DMGDH: variants seen among roughly 807,000 people sequenced by gnomAD.
DMGDH encodes the protein dimethylglycine dehydrogenase, mitochondrial.
Under a neutral mutation model 95.2 loss-of-function variants are expected in DMGDH, and 76 were observed. The observed-to-expected ratio is 0.80, with a 90% CI of 0.66 to 0.97. DMGDH has a LOEUF of 0.97. Among genes scored for constraint, DMGDH ranks in the 50% least tolerant of loss-of-function variants. DMGDH has a pLI of 0.00. For synonymous variants in DMGDH, 345 were observed against 377.6 expected (o/e 0.91, Z 1.00); for missense variants, 987 against 1,055.0 (o/e 0.94, Z 0.89).
intron 8 of DMGDH, 59 bp downstream of exon 8, chr5:79,033,180 G>C: frequency 6.2e-7 from 1 of 1,601,792 alleles, no homozygotes; most frequent in Non-Finnish European, 8.5e-7. Flanking sequence ...TCTAAAGTCA[G>C]AGATGCTACA....
intron 11 of DMGDH, among the ~76,000 whole-genome samples, chr5:79,029,046 A>C (rs1277077846): frequency 1.3e-5 from 2 of 152,346 alleles, no homozygotes; most frequent in East Asian, 3.9e-4. Flanking sequence ...GCTAAAGGTT[A>C]ATAATGTGCC....
chr5:79,024,202 T>C lies in DMGDH; in HGVS notation c.2250+69A>G, dbSNP rs968759271. ...CCATACTTGGTTAAATTTTAAAGAA[T>C]GGCTCTGTCACAAAATAGCATCATA... On this transcript the variant is annotated intron_variant, in intron 14 of 15. Coordinates refer to ENST00000255189, the MANE Select transcript of DMGDH (RefSeq NM_013391.3). 7.8e-6 allele frequency: 11 copies of C among 1,405,458 alleles called. No homozygotes were observed. In the East Asian group the frequency reaches 1.1e-4, roughly 15 times the overall value. 87.1% of individuals were successfully genotyped at this position (1,405,458 alleles called of 1,614,324 possible).
At chr5:79,021,697 A>G in intron 14 of DMGDH, 1 of 1,297,758 alleles carries the variant, frequency 7.7e-7, no homozygotes, top group East Asian at 5.2e-5. Context: ...ATAAAACACA[A>G]AATTAGTTAC....
At chr5:79,060,932 AT>A (rs1393523302) in intron 2 of DMGDH, among the ~76,000 whole-genome samples, 5 of 141,796 alleles carry the variant, frequency 3.5e-5, no homozygotes, top group African/African-American at 1.4e-4. Context: ...AAAAAAAAAA[AT>A]CAATGCGGCC....
At chr5:79,042,551 C>T (rs1754540844) in intron 6 of DMGDH, 70 bp from the exon 7 acceptor site, 30 of 1,468,096 alleles carry the variant, frequency 2.0e-5, no homozygotes, top group Middle Eastern at 1.7e-4. Context: ...TGATTTAAGC[C>T]TCTGACATGG....
intron 2 of DMGDH, 29 bp from the exon 3 acceptor site, chr5:79,055,937 G>GA (rs767845611): frequency 2.1e-5 from 30 of 1,408,744 alleles, no homozygotes; most frequent in South Asian, 4.7e-5. Flanking sequence ...AAGAAATACT[G>GA]AAAAAAAATT....
chr5:79,051,210 G>A (rs371776290), intron 5 of DMGDH, 77 bp downstream of exon 5: 351 of 1,454,790 alleles, frequency 2.4e-4, no homozygotes, highest in African/African-American at 5.0e-4. Flanking sequence ...AATGTCCATC[G>A]TACGAAACAT....
intron 14 of DMGDH, among the ~76,000 whole-genome samples, chr5:79,011,349 C>T (rs527343795): frequency 6.6e-6 from 1 of 152,302 alleles, no homozygotes; most frequent in South Asian, 2.1e-4. Flanking sequence ...TAGCACCAAA[C>T]CTTAAACCCA....
At chr5:79,065,387 T>C (rs995401844) in intron 1 of DMGDH, among the ~76,000 whole-genome samples, 3 of 151,784 alleles carry the variant, frequency 2.0e-5, no homozygotes, top group Non-Finnish European at 4.4e-5. Context: ...AATTTTTGTA[T>C]TTTTAGTGGA....
chr5:79,028,776 GA>G lies in DMGDH; in HGVS notation c.1815-127del, dbSNP rs200540635. 1.6e-5 allele frequency: 17 copies of G among 1,038,424 alleles called. 1 individual carries two copies. The East Asian group carries it at 4.1e-4, about 25-fold the overall frequency. 64.3% of individuals were successfully genotyped at this position (1,038,424 alleles called of 1,614,324 possible). A position where few individuals can be genotyped will look rare whatever the true frequency, so the allele number is the denominator to read the frequency against. On this transcript the variant is annotated intron_variant, in intron 11 of 15. Coordinates refer to ENST00000255189, the MANE Select transcript of DMGDH (RefSeq NM_013391.3). ...GAAAGTCCCCAGAGTGTCATTTCAT[GA>G]AATCACACTGATTTTTAAAGTTGAG...
At chr5:79,007,705 T>C (rs751374021) in intron 14 of DMGDH, among the ~76,000 whole-genome samples, 10 of 152,204 alleles carry the variant, frequency 6.6e-5, no homozygotes, top group Non-Finnish European at 1.5e-4. Flanking sequence ...TGAAATTATT[T>C]CCTCACCTAC....
Position 79,020,755 on chromosome 5 carries a change from AAG to A in DMGDH, c.2250+3514_2250+3515del, listed in dbSNP as rs1023308163. 2.7e-5 allele frequency: 27 copies of A among 984,392 alleles called. 1 individual carries two copies. Among genetic ancestry groups the A allele is most frequent in the African/African-American group, 2.1e-4 (12 of 57,306 alleles). The allele number at this position is 984,392 out of a possible 1,614,324, so 61.0% of individuals were successfully genotyped here. A position where few individuals can be genotyped will look rare whatever the true frequency, so the allele number is the denominator to read the frequency against. ...GAGGGGAAGGAGAGAGAAAAAGGGA[AAG>A]AGAGGGAGAAGGAGAGAGTGAGAAA... On this transcript the variant is annotated intron_variant, in intron 14 of 15. Transcript: ENST00000255189.
chr5:79,001,562 G>A (rs545673683), intron 15 of DMGDH, among the ~76,000 whole-genome samples: 1 of 152,288 alleles, frequency 6.6e-6, no homozygotes, highest in East Asian at 1.9e-4. Flanking sequence ...AGTTAAGCTG[G>A]TTTGCTTGAG....
At chr5:79,008,512 T>C (rs1753587457) in intron 14 of DMGDH, among the ~76,000 whole-genome samples, 1 of 152,286 alleles carries the variant, frequency 6.6e-6, no homozygotes, top group Admixed American at 6.5e-5. Flanking sequence ...ACAGCCCTAA[T>C]GGAGCCACTT....
intron 14 of DMGDH, chr5:79,020,857 CTG>C (rs1363138136): frequency 4.1e-6 from 4 of 985,314 alleles, no homozygotes; most frequent in East Asian, 2.3e-4. Context: ...ACTTGAGTCT[CTG>C]TGAATCTTCG....
chr5:79,051,264 T>C lies in DMGDH; in HGVS notation c.745+23A>G, dbSNP rs767834546. The C allele has an allele frequency of 1.3e-5, 21 of 1,612,896 alleles. No individual in the cohort carries two copies. The Admixed American group carries it at 3.5e-4, about 27-fold the overall frequency. On this transcript the variant is annotated intron_variant, in intron 5 of 15. Transcript: ENST00000255189. Reference sequence around the variant, plus strand: ...TTCTTTGGCACTTAAAAAACACTAATTTCAAAAAAATGATATGCTTACCTG... The same window carrying C: ...TTCTTTGGCACTTAAAAAACACTAACTTCAAAAAAATGATATGCTTACCTG...
At chr5:79,061,817 G>A (rs993590722) in intron 2 of DMGDH, among the ~76,000 whole-genome samples, 6 of 152,008 alleles carry the variant, frequency 3.9e-5, no homozygotes, top group Admixed American at 3.3e-4. Flanking sequence ...AGCTAACTGG[G>A]AGGATTGCTT....
chr5:79,042,191 A>T, intron 7 of DMGDH, 92 bp downstream of exon 7: 1 of 1,226,128 alleles, frequency 8.2e-7, no homozygotes, highest in Non-Finnish European at 1.2e-6. Flanking sequence ...TCAGCCTCCC[A>T]CATTTCCCTT....
rs748752385 is a variant in DMGDH, at chr5:79,051,502, C to G, written c.541-11G>C. The G allele has an allele frequency of 6.2e-7, 1 of 1,610,496 alleles. No homozygotes were observed. The highest frequency in any genetic ancestry group is 1.1e-5 in the South Asian group (1 of 90,966). On this transcript the variant is annotated splice_polypyrimidine_tract_variant and intron_variant, in intron 4 of 15. Transcript: ENST00000255189. ...CAATCCAGCTAAAACCTAAATCAATCATACCAGAGTCAATACTCAAATATA... is the reference window on the plus strand; with the variant it reads ...CAATCCAGCTAAAACCTAAATCAATGATACCAGAGTCAATACTCAAATATA...
Sources: gnomAD v4.1 joint callset for allele counts (sites outside exome capture counted in the v4.1 genomes callset) on GRCh38, gnomAD v4.1.1 for gene constraint, MANE v1.5 for transcripts, NCBI Gene and HGNC (gene_info 2026-07-23, HGNC 2026-07-21) for gene names.